Variants in MAPK10 observed in about 807,000 individuals in gnomAD.
The protein encoded by MAPK10 is mitogen-activated protein kinase 10, also known as JNK3 alpha protein kinase.
A neutral mutation model predicts 59.3 loss-of-function variants in MAPK10; 25 were observed. The observed-to-expected ratio is 0.42, with a 90% CI of 0.31 to 0.59. MAPK10 has a LOEUF of 0.59. Among genes scored for constraint, MAPK10 ranks in the 20% least tolerant of loss-of-function variants. MAPK10 has a pLI of 0.15. For synonymous variants in MAPK10, 190 were observed against 200.5 expected, an observed-to-expected ratio of 0.95 and a Z score of 0.44; for missense variants, 351 against 568.9, an observed-to-expected ratio of 0.62 and a Z score of 3.90.
intron 3 of MAPK10, among the ~76,000 whole-genome samples, chr4:86,170,409 T>A (rs1370593516): frequency 6.6e-6 from 1 of 152,094 alleles, no homozygotes; most frequent in Non-Finnish European, 1.5e-5. Flanking sequence ...GAGGTTACAA[T>A]CCTAGTCTCT....
At position 86,057,616 on chromosome 4, in the gene MAPK10, T is replaced by C. The variant is rs994319034; in HGVS notation, c.1110+6650A>G. On this transcript the variant is annotated intron_variant, in intron 11 of 13. Transcript: ENST00000641462. ...GGACCTGTTTTTTTTTCATTTTTTGTTTAAAAATTCAATGCTGAATCACTA... is the reference window on the plus strand; with the variant it reads ...GGACCTGTTTTTTTTTCATTTTTTGCTTAAAAATTCAATGCTGAATCACTA... Among the ~76,000 whole-genome samples the C allele has an allele frequency of 2.7e-5, 4 of 149,868 alleles. 1 individual carries two copies. The highest frequency in any genetic ancestry group is 1.0e-4 in the African/African-American group (4 of 39,906).
At chr4:86,305,893 T>G (rs923956855) in intron 2 of MAPK10, among the ~76,000 whole-genome samples, 19 of 152,038 alleles carry the variant, frequency 1.2e-4, no homozygotes, top group African/African-American at 3.9e-4. Flanking sequence ...TGTAATACAC[T>G]TTTAATCAAG....
intron 2 of MAPK10, among the ~76,000 whole-genome samples, chr4:86,218,198 G>A (rs1009741450): frequency 5.9e-5 from 9 of 151,968 alleles, no homozygotes; most frequent in African/African-American, 2.2e-4. Flanking sequence ...ATATATATAG[G>A]CTTATTATTT....
chr4:86,479,236 T>C (rs989680934), intron 1 of MAPK10, among the ~76,000 whole-genome samples: 4 of 152,010 alleles, frequency 2.6e-5, no homozygotes, highest in Admixed American at 1.3e-4. Flanking sequence ...ACCCAAGCAG[T>C]TTCTCAGGCT....
intron 1 of MAPK10, among the ~76,000 whole-genome samples, chr4:86,504,841 A>G (rs1179899593): frequency 1.3e-5 from 2 of 152,290 alleles, no homozygotes; most frequent in East Asian, 3.9e-4. Flanking sequence ...AGGAAGAGCC[A>G]GAAGAGGAAA....
chr4:86,072,212 A>G (rs1329999789), intron 9 of MAPK10, among the ~76,000 whole-genome samples: 1 of 150,468 alleles, frequency 6.6e-6, no homozygotes, highest in Non-Finnish European at 1.5e-5. Flanking sequence ...TTGGTGTATA[A>G]GAATGCTTGT....
intron 1 of MAPK10, among the ~76,000 whole-genome samples, chr4:86,556,405 CATA>C (rs1317928891): frequency 6.6e-6 from 1 of 152,004 alleles, no homozygotes; most frequent in Non-Finnish European, 1.5e-5. Flanking sequence ...TTCTAGATAT[CATA>C]ATAAGCCTTA....
At chr4:86,482,903 T>C in intron 1 of MAPK10, among the ~76,000 whole-genome samples, 1 of 152,164 alleles carries the variant, frequency 6.6e-6, no homozygotes. Flanking sequence ...TTTCCCTCTT[T>C]TCTCATTTAT....
At chr4:86,520,974 T>G (rs1210050278) in intron 1 of MAPK10, among the ~76,000 whole-genome samples, 1 of 152,180 alleles carries the variant, frequency 6.6e-6, no homozygotes, top group Non-Finnish European at 1.5e-5. Context: ...CATCTTCAGC[T>G]CTCCCAGCCA....
At chr4:86,135,315 C>T (rs1324297533) in intron 4 of MAPK10, among the ~76,000 whole-genome samples, 1 of 152,224 alleles carries the variant, frequency 6.6e-6, no homozygotes, top group Non-Finnish European at 1.5e-5. Flanking sequence ...AGCAGTGGAT[C>T]TCCCAGCATA....
chr4:86,180,661 T>C (rs2076734603), intron 3 of MAPK10, among the ~76,000 whole-genome samples: 1 of 151,996 alleles, frequency 6.6e-6, no homozygotes, highest in African/African-American at 2.4e-5. Context: ...GGAATACTAC[T>C]GAGCCATAAA....
Position 86,489,831 on chromosome 4 carries a change from T to C in MAPK10, c.-263+104079A>G, listed in dbSNP as rs533274707. On this transcript the variant is annotated intron_variant, in intron 1 of 4. Coordinates refer to the MAPK10 transcript ENST00000502302. ...ATTAATCTTTCTCCATCAAAATTAA[T>C]CTTTCTCCACCAAAATCCACACATC... 3.5e-4 allele frequency among the ~76,000 whole-genome samples: 53 copies of C among 152,068 alleles called. 1 individual carries two copies. Among genetic ancestry groups the C allele is most frequent in the African/African-American group, 1.2e-3 (51 of 41,470 alleles).
intron 1 of MAPK10, among the ~76,000 whole-genome samples, chr4:86,552,459 A>C (rs140484897): frequency 2.9e-5 from 1 of 34,562 alleles, no homozygotes; most frequent in Non-Finnish European, 6.7e-5. Flanking sequence ...GAAGGAAGGA[A>C]GGAGGGAGGG....
chr4:86,204,615 T>C (rs2083402950), intron 2 of MAPK10, among the ~76,000 whole-genome samples: 1 of 151,964 alleles, frequency 6.6e-6, no homozygotes. Context: ...AAGAGGAACC[T>C]CAGAACGGTG....
intron 2 of MAPK10, among the ~76,000 whole-genome samples, chr4:86,312,908 G>A (rs746794905): frequency 5.9e-5 from 9 of 152,008 alleles, no homozygotes; most frequent in Non-Finnish European, 7.4e-5. Context: ...TACTTTTGGC[G>A]TTGATATTAT....
intron 1 of MAPK10, among the ~76,000 whole-genome samples, chr4:86,551,943 TTG>T (rs2149100350): frequency 6.6e-6 from 1 of 152,304 alleles, no homozygotes; most frequent in Admixed American, 6.5e-5. Flanking sequence ...TTGCAACTAT[TTG>T]TTGCCATAAC....
chr4:86,400,498 G>T (rs1359206856), intron 1 of MAPK10, among the ~76,000 whole-genome samples: 1 of 151,644 alleles, frequency 6.6e-6, no homozygotes, highest in Non-Finnish European at 1.5e-5. Context: ...TATTTGGAAT[G>T]GTAAGTTACC....
At chr4:86,538,591 T>C (rs911428306) in intron 1 of MAPK10, among the ~76,000 whole-genome samples, 1 of 152,246 alleles carries the variant, frequency 6.6e-6, no homozygotes, top group Non-Finnish European at 1.5e-5. Context: ...AGGTTTTACA[T>C]AGAACCTTTT....
At chr4:86,378,986 T>G (rs539276435) in intron 1 of MAPK10, among the ~76,000 whole-genome samples, 1 of 152,266 alleles carries the variant, frequency 6.6e-6, no homozygotes, top group South Asian at 2.1e-4. Context: ...CGGCATATGC[T>G]CAAGGGAGCA....
Sources: allele counts gnomAD v4.1 joint callset (sites outside exome capture counted in the v4.1 genomes callset), GRCh38; gene constraint gnomAD v4.1.1; transcripts MANE v1.5; gene names NCBI Gene and HGNC (gene_info 2026-07-23, HGNC 2026-07-21).